Variants in SPATS2 observed in about 807,000 individuals in gnomAD.
SPATS2 encodes the protein spermatogenesis associated serine rich 2.
In SPATS2, 38 loss-of-function variants were observed where a neutral mutation model predicts 63.7. The ratio of observed to expected loss-of-function variants is 0.60; its 90% CI spans 0.46 to 0.78. The LOEUF (loss-of-function observed/expected upper bound fraction) is 0.78. Ranked by LOEUF, SPATS2 falls within the 30% of genes least tolerant of loss-of-function variation. The pLI is 0.00. For synonymous variants in SPATS2, 207 were observed against 232.9 expected (o/e 0.89, Z 1.01); for missense variants, 588 against 666.2 (o/e 0.88, Z 1.29).
At chr12:49,525,365 T>C (rs1265584314) in intron 13 of SPATS2, among the ~76,000 whole-genome samples, 2 of 152,208 alleles carry the variant, frequency 1.3e-5, no homozygotes, top group Admixed American at 6.5e-5. Flanking sequence ...GTTTGAAGAA[T>C]AAACACAAGA....
chr12:49,404,698 CA>C (rs1350473262), intron 2 of SPATS2, among the ~76,000 whole-genome samples: 3 of 152,226 alleles, frequency 2.0e-5, no homozygotes, highest in African/African-American at 7.2e-5. Context: ...CTCCAACTGC[CA>C]AACCTTGTTT....
At chr12:49,401,127 C>T (rs1944598397) in intron 2 of SPATS2, among the ~76,000 whole-genome samples, 1 of 152,022 alleles carries the variant, frequency 6.6e-6, no homozygotes, top group Non-Finnish European at 1.5e-5. Flanking sequence ...CCTCCTGTCT[C>T]ACCCTCCCAA....
chr12:49,386,847 C>T (rs1944325935), intron 2 of SPATS2, among the ~76,000 whole-genome samples: 2 of 152,040 alleles, frequency 1.3e-5, no homozygotes, highest in African/African-American at 4.8e-5. Flanking sequence ...AAAGCATGAT[C>T]ATGGGATGAG....
rs1945133061 is a variant in SPATS2, at chr12:49,429,003, C to T, written c.-243-31767C>T. The stretch of plus-strand genomic sequence containing the variant: ...AGAGCCACCTGTGCGAGGAGGAGGG[C>T]GCAGACAGCTCTAACTACTGAGCTA... On this transcript the variant is annotated intron_variant, in intron 2 of 13. Coordinates refer to ENST00000552918, the MANE Select transcript of SPATS2 (RefSeq NM_023071.4). Among the ~76,000 whole-genome samples, 3 of 152,222 alleles carry T rather than the reference C, an allele frequency of 2.0e-5. No individual in the cohort carries two copies. The South Asian group carries it at 6.2e-4, about 32-fold the overall frequency.
At position 49,516,187 on chromosome 12, in the gene SPATS2, AT is replaced by A. The variant is rs1407613674; in HGVS notation, c.898+1575del. On this transcript the variant is annotated intron_variant, in intron 10 of 13. Coordinates refer to ENST00000552918, the MANE Select transcript of SPATS2 (RefSeq NM_023071.4). ...AAAAAATATATATATATATATATAT[AT>A]ATATATATATATATATATATAAATC... Among the ~76,000 whole-genome samples the A allele has an allele frequency of 1.2e-3, 129 of 103,504 alleles. 20 individuals carry two copies. Among genetic ancestry groups the A allele is most frequent in the African/African-American group, 2.9e-3 (84 of 29,338 alleles). 67.9% of individuals were successfully genotyped at this position (103,504 alleles called of 152,430 possible). A position where few individuals can be genotyped will look rare whatever the true frequency, so the allele number is the denominator to read the frequency against.
At chr12:49,424,956 C>T (rs1032567343) in intron 2 of SPATS2, among the ~76,000 whole-genome samples, 1 of 152,192 alleles carries the variant, frequency 6.6e-6, no homozygotes, top group African/African-American at 2.4e-5. Context: ...GCTGGGATAA[C>T]AGGAGTGAGC....
chr12:49,477,905 A>G (rs1946144508), intron 3 of SPATS2, among the ~76,000 whole-genome samples: 1 of 149,762 alleles, frequency 6.7e-6, no homozygotes, highest in African/African-American at 2.5e-5. Context: ...ATGAAGATTT[A>G]CCACCCAGGA....
Position 49,404,000 on chromosome 12 carries a change from G to A in SPATS2, c.-244+32710G>A, listed in dbSNP as rs949232903. Among the ~76,000 whole-genome samples the A allele has an allele frequency of 3.3e-5, 5 of 152,176 alleles. 1 individual carries two copies. The highest frequency in any genetic ancestry group is 7.3e-5 in the Non-Finnish European group (5 of 68,042). ...TTGCTGGATGTGAGACTTGACTTTT[G>A]CTAGATTCATTCGTTCCAGTGGATA... On this transcript the variant is annotated intron_variant, in intron 2 of 13. Transcript: ENST00000552918.
intron 2 of SPATS2, among the ~76,000 whole-genome samples, chr12:49,439,014 A>G (rs984564150): frequency 2.6e-5 from 4 of 152,246 alleles, no homozygotes; most frequent in African/African-American, 9.6e-5. Flanking sequence ...GTAGAAAAAA[A>G]TGTAGAAAAA....
chr12:49,481,458 ATTTTTT>A (rs1013711085), intron 3 of SPATS2, among the ~76,000 whole-genome samples: 4 of 97,798 alleles, frequency 4.1e-5, no homozygotes, highest in East Asian at 3.0e-4. Flanking sequence ...AGGCTTCCTC[ATTTTTT>A]TTTTTTTTTT....
Position 49,389,935 on chromosome 12 carries a change from G to C in SPATS2, c.-244+18645G>C, listed in dbSNP as rs530867568. ...CAAGGATACAGGCACATGTTGACCAGATAAATGAAATATGGCAGCAGTAAT... is the reference window on the plus strand; with the variant it reads ...CAAGGATACAGGCACATGTTGACCACATAAATGAAATATGGCAGCAGTAAT... On this transcript the variant is annotated intron_variant, in intron 2 of 13. Coordinates refer to ENST00000552918, the MANE Select transcript of SPATS2 (RefSeq NM_023071.4). 746 of 808,038 alleles carry C rather than the reference G, an allele frequency of 9.2e-4. 10 individuals carry two copies. In the South Asian group the frequency reaches 9.6e-3, roughly 10 times the overall value. The allele number at this position is 808,038 out of a possible 1,614,324, so 50.1% of individuals were successfully genotyped here.
At chr12:49,444,197 G>C (rs972638138) in intron 2 of SPATS2, among the ~76,000 whole-genome samples, 1 of 149,700 alleles carries the variant, frequency 6.7e-6, no homozygotes, top group African/African-American at 2.5e-5. Flanking sequence ...TTATTCCTAA[G>C]TATTTAAGTT....
intron 2 of SPATS2, among the ~76,000 whole-genome samples, chr12:49,417,703 A>G (rs550823519): frequency 1.3e-5 from 2 of 152,356 alleles, no homozygotes; most frequent in Non-Finnish European, 2.9e-5. Context: ...CTGATGACCT[A>G]AAAGAAGACA....
intron 8 of SPATS2, among the ~76,000 whole-genome samples, chr12:49,497,407 T>TTC (rs1555191047): frequency 5.4e-5 from 8 of 149,374 alleles, no homozygotes; most frequent in African/African-American, 1.8e-4. Flanking sequence ...TTTTTTTTTT[T>TTC]CCCCCGAGAC....
intron 2 of SPATS2, among the ~76,000 whole-genome samples, chr12:49,398,135 C>CAAAAAAAAAAAAAAAAAAAAA (rs71080193): frequency 2.2e-5 from 1 of 45,394 alleles, no homozygotes; most frequent in African/African-American, 8.2e-5. Flanking sequence ...GACCCTGTCT[C>CAAAAAAAAAAAAAAAAAAAAA]AAAAAAAAAA....
intron 2 of SPATS2, among the ~76,000 whole-genome samples, chr12:49,418,411 G>T (rs561162241): frequency 6.6e-6 from 1 of 151,910 alleles, no homozygotes; most frequent in Non-Finnish European, 1.5e-5. Flanking sequence ...GGGATTCTCC[G>T]GTCTTAGCCT....
chr12:49,435,650 T>C (rs1341246027), intron 2 of SPATS2, among the ~76,000 whole-genome samples: 4 of 99,898 alleles, frequency 4.0e-5, no homozygotes, highest in East Asian at 2.0e-4. Context: ...TTTTTTTTTT[T>C]TTTTTTTTTT....
chr12:49,384,019 G>T (rs1944268115), intron 2 of SPATS2, among the ~76,000 whole-genome samples: 1 of 152,136 alleles, frequency 6.6e-6, no homozygotes, highest in Non-Finnish European at 1.5e-5. Flanking sequence ...CCTTCTCTCA[G>T]CTTCCCCTAA....
chr12:49,526,359 G>T lies in SPATS2; in HGVS notation c.*104G>T. On this transcript the variant is annotated 3_prime_UTR_variant, in exon 14 of 14. Transcript: ENST00000552918. The stretch of plus-strand genomic sequence containing the variant: ...TGTAATAACAAAAAGAAGTTTATGC[G>T]TATCACTTTTTGTGCCATTCTAAGT... 1.5e-6 allele frequency: 2 copies of T among 1,334,330 alleles called. No homozygotes were observed. Among genetic ancestry groups the T allele is most frequent in the East Asian group, 2.5e-5 (1 of 39,366 alleles). The allele number at this position is 1,334,330 out of a possible 1,614,324, so 82.7% of individuals were successfully genotyped here. A position where few individuals can be genotyped will look rare whatever the true frequency, so the allele number is the denominator to read the frequency against.
Sources: gnomAD v4.1 joint callset for allele counts (sites outside exome capture counted in the v4.1 genomes callset) on GRCh38, gnomAD v4.1.1 for gene constraint, MANE v1.5 for transcripts, NCBI Gene and HGNC (gene_info 2026-07-23, HGNC 2026-07-21) for gene names.